EYA1: variants seen among roughly 807,000 people sequenced by gnomAD.
EYA1 encodes protein phosphatase EYA1.
Under a neutral mutation model 82.0 loss-of-function variants are expected in EYA1, and 16 were observed. That is an observed-to-expected ratio of 0.20 (90% CI 0.13 to 0.30). The LOEUF is 0.30. Among genes scored for constraint, EYA1 ranks in the 10% least tolerant of loss-of-function variants. The pLI, the probability that EYA1 is intolerant of heterozygous loss-of-function variation, is 1.00. For synonymous variants in EYA1, 261 were observed against 264.4 expected, an observed-to-expected ratio of 0.99 and a Z score of 0.12; for missense variants, 633 against 730.7, an observed-to-expected ratio of 0.87 and a Z score of 1.54.
chr8:71,485,528 A>G (rs911898392), intron 2 of EYA1, among the ~76,000 whole-genome samples: 3 of 152,212 alleles, frequency 2.0e-5, no homozygotes, highest in Non-Finnish European at 4.4e-5. Flanking sequence ...AGAAGAGAAC[A>G]GATTTTACAA....
intron 2 of EYA1, among the ~76,000 whole-genome samples, chr8:71,532,655 A>G (rs1814383548): frequency 6.6e-6 from 1 of 152,212 alleles, no homozygotes; most frequent in Non-Finnish European, 1.5e-5. Context: ...GAAAAGATCA[A>G]AGGTCCGATT....
At chr8:71,280,833 T>C (rs998123927) in intron 9 of EYA1, among the ~76,000 whole-genome samples, 24 of 152,210 alleles carry the variant, frequency 1.6e-4, no homozygotes, top group African/African-American at 5.5e-4. Flanking sequence ...ACTGCAGCCT[T>C]GACCTCCTGG....
chr8:71,345,636 TA>T, intron 3 of EYA1, among the ~76,000 whole-genome samples: 1 of 152,356 alleles, frequency 6.6e-6, no homozygotes, highest in East Asian at 1.9e-4. Flanking sequence ...CCTATATTTC[TA>T]ATATTACTCA....
chr8:71,271,120 A>C (rs1363408494), intron 10 of EYA1, among the ~76,000 whole-genome samples: 1 of 152,192 alleles, frequency 6.6e-6, no homozygotes, highest in African/African-American at 2.4e-5. Context: ...CAAAACAACA[A>C]AAAGTGGATT....
chr8:71,485,515 G>A (rs1421514711), intron 2 of EYA1, among the ~76,000 whole-genome samples: 1 of 151,934 alleles, frequency 6.6e-6, no homozygotes, highest in Non-Finnish European at 1.5e-5. Flanking sequence ...GAACGGTTAG[G>A]CAAGAAGAGA....
intron 10 of EYA1, among the ~76,000 whole-genome samples, chr8:71,270,838 T>A (rs2128949908): frequency 6.6e-6 from 1 of 152,286 alleles, no homozygotes; most frequent in African/African-American, 2.4e-5. Context: ...GTAGATTTTA[T>A]GGCTGGGCGT....
At position 71,229,475 on chromosome 8, in the gene EYA1, G is replaced by A. The variant is rs73286348; in HGVS notation, c.1141-12452C>T. Among the ~76,000 whole-genome samples the A allele has an allele frequency of 3.4e-3, 521 of 152,162 alleles. 3 individuals carry two copies. Among genetic ancestry groups the A allele is most frequent in the African/African-American group, 0.012 (496 of 41,500 alleles). On this transcript the variant is annotated intron_variant, in intron 12 of 17. Transcript: ENST00000340726. ...CTTTGAAGAAAAGACCATCTTTCAC[G>A]TGTCTTTTTTTCCTACTTATTTTCT... is the stretch of plus-strand genomic sequence containing the variant.
chr8:71,383,430 GA>G (rs1263538747), intron 2 of EYA1, among the ~76,000 whole-genome samples: 1 of 151,970 alleles, frequency 6.6e-6, no homozygotes, highest in Non-Finnish European at 1.5e-5. Flanking sequence ...GTAATTAAAG[GA>G]GTTTTTTTAA....
At chr8:71,483,090 T>C (rs1341134882) in intron 2 of EYA1, among the ~76,000 whole-genome samples, 1 of 152,186 alleles carries the variant, frequency 6.6e-6, no homozygotes, top group Non-Finnish European at 1.5e-5. Context: ...TCACTTGGGG[T>C]ACAAGTCAAA....
intron 11 of EYA1, among the ~76,000 whole-genome samples, chr8:71,265,244 T>C (rs920313125): frequency 6.6e-6 from 1 of 152,168 alleles, no homozygotes. Context: ...ATGCTAGACA[T>C]GGTGCTGAGT....
At chr8:71,230,176 A>G (rs1811026455) in intron 12 of EYA1, among the ~76,000 whole-genome samples, 1 of 152,104 alleles carries the variant, frequency 6.6e-6, no homozygotes, top group Non-Finnish European at 1.5e-5. Context: ...ACCTTAAAAA[A>G]TAAAAAAAAA....
At chr8:71,440,538 AT>A (rs1424224723) in intron 2 of EYA1, among the ~76,000 whole-genome samples, 1 of 152,180 alleles carries the variant, frequency 6.6e-6, no homozygotes, top group Non-Finnish European at 1.5e-5. Context: ...AGGATGGCCC[AT>A]TTTTTGAGAT....
intron 2 of EYA1, among the ~76,000 whole-genome samples, chr8:71,474,874 G>C (rs995314887): frequency 6.6e-6 from 1 of 152,200 alleles, no homozygotes; most frequent in Non-Finnish European, 1.5e-5. Flanking sequence ...GCTCATGCCT[G>C]TAATCCCAGC....
intron 2 of EYA1, among the ~76,000 whole-genome samples, chr8:71,459,620 T>C (rs1808217643): frequency 7.4e-6 from 1 of 135,498 alleles, no homozygotes; most frequent in African/African-American, 3.1e-5. Flanking sequence ...AAATGTAAAA[T>C]ATTCTCTTTT....
At chr8:71,215,116 A>G (rs1325798013) in intron 16 of EYA1, among the ~76,000 whole-genome samples, 2 of 152,242 alleles carry the variant, frequency 1.3e-5, no homozygotes, top group African/African-American at 4.8e-5. Context: ...TAAAAATATG[A>G]TAATAATCCA....
At chr8:71,412,561 C>T (rs1830664167) in intron 2 of EYA1, among the ~76,000 whole-genome samples, 1 of 152,100 alleles carries the variant, frequency 6.6e-6, no homozygotes, top group East Asian at 1.9e-4. Flanking sequence ...CTGAACTTTG[C>T]TCCAAAGTAA....
intron 12 of EYA1, among the ~76,000 whole-genome samples, chr8:71,219,441 C>G (rs1049725827): frequency 6.6e-6 from 1 of 152,056 alleles, no homozygotes; most frequent in African/African-American, 2.4e-5. Context: ...AAAAAAAAAT[C>G]ATTAAAATGT....
intron 2 of EYA1, among the ~76,000 whole-genome samples, chr8:71,414,667 C>T (rs554546937): frequency 6.6e-6 from 1 of 152,152 alleles, no homozygotes; most frequent in Admixed American, 6.5e-5. Context: ...AAAATATTTA[C>T]CTCAAACATA....
intron 2 of EYA1, among the ~76,000 whole-genome samples, chr8:71,508,118 C>T (rs1438793485): frequency 6.6e-6 from 1 of 152,160 alleles, no homozygotes; most frequent in African/African-American, 2.4e-5. Flanking sequence ...GTGACTGCCT[C>T]CTTTGTCCTT....
Sources: gnomAD v4.1 joint callset for allele counts (sites outside exome capture counted in the v4.1 genomes callset) on GRCh38, gnomAD v4.1.1 for gene constraint, MANE v1.5 for transcripts, NCBI Gene and HGNC (gene_info 2026-07-23, HGNC 2026-07-21) for gene names.